Variants in ZEB1 observed in about 807,000 individuals in gnomAD.
ZEB1 encodes the protein zinc finger E-box binding homeobox 1.
A neutral mutation model predicts 84.9 loss-of-function variants in ZEB1; 21 were observed. That is an observed-to-expected ratio of 0.25 (90% CI 0.18 to 0.36). The LOEUF is 0.36. ZEB1 is among the 10% of genes least tolerant of loss of function. ZEB1 has a pLI of 1.00. For synonymous variants in ZEB1, 420 were observed against 471.1 expected (o/e 0.89, Z 1.41); for missense variants, 1,104 against 1,330.2 (o/e 0.83, Z 2.65).
chr10:31,353,783 G>C (rs1428100083), intron 1 of ZEB1, among the ~76,000 whole-genome samples: 1 of 152,142 alleles, frequency 6.6e-6, no homozygotes, highest in Non-Finnish European at 1.5e-5. Flanking sequence ...CCACCAACCT[G>C]TCATATTGGC....
At chr10:31,356,992 C>G (rs1447142951) in intron 1 of ZEB1, among the ~76,000 whole-genome samples, 1 of 152,082 alleles carries the variant, frequency 6.6e-6, no homozygotes, top group Non-Finnish European at 1.5e-5. Context: ...CTCTACAGGG[C>G]AAAATCGACC....
chr10:31,438,154 G>A (rs1445529916), intron 1 of ZEB1, among the ~76,000 whole-genome samples: 2 of 152,302 alleles, frequency 1.3e-5, no homozygotes, highest in East Asian at 3.9e-4. Flanking sequence ...CCTCCCTCCT[G>A]GCGTCTGTGC....
chr10:31,376,150 A>C (rs182125502), intron 1 of ZEB1, among the ~76,000 whole-genome samples: 1 of 151,904 alleles, frequency 6.6e-6, no homozygotes, highest in East Asian at 1.9e-4. Flanking sequence ...AACCTGCTGT[A>C]TGTCAGTCAT....
rs1035626808 is a variant in ZEB1 at position 31,452,736 on chromosome 10, T to A, written c.59-8301T>A. Among the ~76,000 whole-genome samples the A allele has an allele frequency of 6.4e-3, 726 of 112,794 alleles. 8 individuals are homozygous for A. The highest frequency in any genetic ancestry group is 0.033 in the African/African-American group (680 of 20,848). The allele number at this position is 112,794 out of a possible 152,430, so 74.0% of individuals were successfully genotyped here. The stretch of plus-strand genomic sequence containing the variant: ...GTGTGTGTGTGTGTGTGTGTGTGTG[T>A]GTGTGTGAGAGAGAGAGAGAGAGAG... On this transcript the variant is annotated intron_variant, in intron 1 of 8. Coordinates refer to ENST00000424869, the MANE Select transcript of ZEB1 (RefSeq NM_001174096.2).
intron 1 of ZEB1, among the ~76,000 whole-genome samples, chr10:31,337,742 A>G (rs1297443394): frequency 8.6e-5 from 12 of 139,814 alleles, no homozygotes; most frequent in East Asian, 4.1e-4. Flanking sequence ...CTGGAGTGCA[A>G]TGGCGCAATC....
At chr10:31,483,217 C>T (rs915986229) in intron 2 of ZEB1, among the ~76,000 whole-genome samples, 6 of 151,926 alleles carry the variant, frequency 3.9e-5, no homozygotes, top group African/African-American at 1.5e-4. Context: ...ACTGAGTGTA[C>T]CTGTACAGAC....
At chr10:31,346,757 A>C (rs1248354019) in intron 1 of ZEB1, among the ~76,000 whole-genome samples, 1 of 152,140 alleles carries the variant, frequency 6.6e-6, no homozygotes, top group Admixed American at 6.6e-5. Context: ...AGGGAACTTA[A>C]ATCTTGTCAA....
chr10:31,519,987 T>C (rs1409775446), intron 6 of ZEB1, 139 bp from the exon 7 acceptor site: 5 of 1,153,322 alleles, frequency 4.3e-6, no homozygotes, highest in African/African-American at 1.6e-5. Flanking sequence ...AAAAAGTTTA[T>C]TCTAAATACA....
At chr10:31,487,701 T>C (rs1471905934) in intron 2 of ZEB1, among the ~76,000 whole-genome samples, 4 of 151,536 alleles carry the variant, frequency 2.6e-5, no homozygotes, top group African/African-American at 9.6e-5. Context: ...GGCTTTTTCT[T>C]AATCTTGAGA....
intron 2 of ZEB1, among the ~76,000 whole-genome samples, chr10:31,475,932 T>C (rs1420929942): frequency 6.6e-6 from 1 of 152,028 alleles, no homozygotes; most frequent in Admixed American, 6.6e-5. Flanking sequence ...AAAACACACA[T>C]ATTAATATTA....
At chr10:31,378,684 CTT>C (rs1410678441) in intron 1 of ZEB1, among the ~76,000 whole-genome samples, 1 of 151,654 alleles carries the variant, frequency 6.6e-6, no homozygotes, top group African/African-American at 2.4e-5. Context: ...GGGAAAAAAT[CTT>C]ATATATCATT....
At chr10:31,488,828 A>C (rs1025290551) in intron 2 of ZEB1, among the ~76,000 whole-genome samples, 1 of 151,256 alleles carries the variant, frequency 6.6e-6, no homozygotes, top group African/African-American at 2.4e-5. Flanking sequence ...CATTATGATC[A>C]TAGAACATAC....
intron 1 of ZEB1, 40 bp downstream of exon 1, chr10:31,319,332 G>A: frequency 1.3e-6 from 2 of 1,591,794 alleles, no homozygotes; most frequent in East Asian, 2.3e-5. Context: ...GGAGTCAGGG[G>A]GAGCTGGGCA....
chr10:31,461,763 C>T (rs2137477928), intron 2 of ZEB1, among the ~76,000 whole-genome samples: 1 of 152,072 alleles, frequency 6.6e-6, no homozygotes, highest in South Asian at 2.1e-4. Context: ...GTAAGGAGAC[C>T]CTCTACTTGC....
At chr10:31,424,155 G>A (rs145576841) in intron 1 of ZEB1, among the ~76,000 whole-genome samples, 18 of 151,886 alleles carry the variant, frequency 1.2e-4, no homozygotes, top group Admixed American at 9.8e-4. Flanking sequence ...ATGTGTTTAC[G>A]TAAATTCACT....
intron 2 of ZEB1, among the ~76,000 whole-genome samples, chr10:31,478,389 T>C (rs1419202567): frequency 6.6e-6 from 1 of 152,010 alleles, no homozygotes; most frequent in Non-Finnish European, 1.5e-5. Context: ...AGGGTATTCT[T>C]ATACACTGTT....
chr10:31,517,141 C>G (rs2071295344), intron 6 of ZEB1, among the ~76,000 whole-genome samples: 1 of 152,018 alleles, frequency 6.6e-6, no homozygotes, highest in African/African-American at 2.4e-5. Flanking sequence ...AATGGAAGAG[C>G]TGAATATCTT....
At chr10:31,457,984 A>G (rs1194294774) in intron 1 of ZEB1, among the ~76,000 whole-genome samples, 1 of 152,178 alleles carries the variant, frequency 6.6e-6, no homozygotes, top group Admixed American at 6.5e-5. Flanking sequence ...TGGCATCAGC[A>G]TAAAACCATG....
At chr10:31,351,805 A>T (rs1421358222) in intron 1 of ZEB1, among the ~76,000 whole-genome samples, 1 of 152,210 alleles carries the variant, frequency 6.6e-6, no homozygotes, top group Non-Finnish European at 1.5e-5. Flanking sequence ...TTACAGTTGT[A>T]TAACAGAAAT....
Sources: allele counts gnomAD v4.1 joint callset (sites outside exome capture counted in the v4.1 genomes callset), GRCh38; gene constraint gnomAD v4.1.1; transcripts MANE v1.5; gene names NCBI Gene and HGNC (gene_info 2026-07-23, HGNC 2026-07-21).